GAS2: variants seen among roughly 807,000 people sequenced by gnomAD.
The protein encoded by GAS2 is growth arrest-specific protein 2.
In GAS2, 20 loss-of-function variants were observed where a neutral mutation model predicts 37.5. The ratio of observed to expected loss-of-function variants is 0.53; its 90% CI spans 0.37 to 0.77. GAS2 has a LOEUF of 0.77. GAS2 is among the 30% of genes least tolerant of loss of function. The pLI is 0.00. For missense variants in GAS2, 336 were observed against 373.4 expected, an observed-to-expected ratio of 0.90 and a Z score of 0.82; for synonymous variants, 144 against 132.2, an observed-to-expected ratio of 1.09 and a Z score of -0.61.
At chr11:22,713,518 T>C (rs1462311630) in intron 3 of GAS2, among the ~76,000 whole-genome samples, 2 of 152,260 alleles carry the variant, frequency 1.3e-5, no homozygotes, top group African/African-American at 4.8e-5. Flanking sequence ...CCTGGTAAAC[T>C]AATCACGAAC....
chr11:22,677,758 C>T (rs942958335), intron 2 of GAS2, among the ~76,000 whole-genome samples: 1 of 152,124 alleles, frequency 6.6e-6, no homozygotes, highest in Non-Finnish European at 1.5e-5. Flanking sequence ...GGCTCTGCTA[C>T]TTGGTAGGAA....
At chr11:22,633,181 AC>A (rs1287656820) in intron 1 of GAS2, among the ~76,000 whole-genome samples, 5 of 152,100 alleles carry the variant, frequency 3.3e-5, no homozygotes, top group African/African-American at 1.2e-4. Flanking sequence ...ATTTGGGTAG[AC>A]CATTTCTTCT....
At chr11:22,635,775 C>G (rs1278251337) in intron 1 of GAS2, among the ~76,000 whole-genome samples, 2 of 152,346 alleles carry the variant, frequency 1.3e-5, no homozygotes, top group Middle Eastern at 3.4e-3. Context: ...AATGGCTTTC[C>G]TCTGTCCCCG....
intron 4 of GAS2, among the ~76,000 whole-genome samples, chr11:22,728,679 A>G (rs1352489963): frequency 6.6e-6 from 1 of 151,726 alleles, no homozygotes; most frequent in Admixed American, 6.6e-5. Context: ...TAAATTTGCA[A>G]TTTCTCCTGC....
At chr11:22,677,395 G>T (rs1347028950) in intron 2 of GAS2, among the ~76,000 whole-genome samples, 1 of 152,026 alleles carries the variant, frequency 6.6e-6, no homozygotes, top group Admixed American at 6.6e-5. Flanking sequence ...GAGGAAGAGA[G>T]TTTCATGAGA....
intron 3 of GAS2, among the ~76,000 whole-genome samples, chr11:22,709,120 A>T (rs370290653): frequency 2.0e-4 from 30 of 152,164 alleles, no homozygotes; most frequent in African/African-American, 7.2e-4. Context: ...AAGATTTTTA[A>T]GCAGAGAAAA....
chr11:22,641,047 T>G (rs554791950), intron 1 of GAS2, among the ~76,000 whole-genome samples: 2 of 151,688 alleles, frequency 1.3e-5, no homozygotes, highest in South Asian at 4.2e-4. Flanking sequence ...TGAGCTTTAC[T>G]GACTGTTTGA....
upstream of GAS2, among the ~76,000 whole-genome samples, chr11:22,664,010 T>C (rs559329453): frequency 6.6e-6 from 1 of 152,274 alleles, no homozygotes; most frequent in South Asian, 2.1e-4. Flanking sequence ...TCTTCATGTA[T>C]TTTTTAATAC....
intron 1 of GAS2, among the ~76,000 whole-genome samples, chr11:22,630,825 G>T (rs984574207): frequency 1.3e-5 from 2 of 152,050 alleles, no homozygotes; most frequent in African/African-American, 4.8e-5. Flanking sequence ...GATTGCTTTG[G>T]CTGTTTTTTT....
intron 4 of GAS2, among the ~76,000 whole-genome samples, chr11:22,735,893 C>A (rs12808978): frequency 0.18 from 27,195 of 151,446 alleles, 2,621 homozygotes; most frequent in East Asian, 0.37. Flanking sequence ...CTTCACACAG[C>A]TTTTACTTAG....
intron 7 of GAS2, among the ~76,000 whole-genome samples, chr11:22,769,368 C>T (rs972093682): frequency 3.3e-5 from 5 of 152,198 alleles, no homozygotes; most frequent in Non-Finnish European, 7.3e-5. Context: ...TCCCCAACAT[C>T]TTGTAACAAA....
chr11:22,636,808 T>C (rs573409040), intron 1 of GAS2, among the ~76,000 whole-genome samples: 1 of 150,294 alleles, frequency 6.7e-6, no homozygotes, highest in Admixed American at 6.7e-5. Context: ...TCTCTTCCTC[T>C]TTATATAAAG....
At chr11:22,807,072 T>C (rs1025630291) in intron 7 of GAS2, among the ~76,000 whole-genome samples, 2 of 152,182 alleles carry the variant, frequency 1.3e-5, no homozygotes, top group African/African-American at 4.8e-5. Context: ...TATTTATGTA[T>C]GTTTTCATTT....
chr11:22,790,468 C>T (rs1856091448), intron 7 of GAS2, among the ~76,000 whole-genome samples: 1 of 152,046 alleles, frequency 6.6e-6, no homozygotes, highest in South Asian at 2.1e-4. Context: ...TATACTTTTT[C>T]ATCCAACAAT....
At chr11:22,690,425 A>G (rs1026587372) in intron 3 of GAS2, among the ~76,000 whole-genome samples, 1 of 152,114 alleles carries the variant, frequency 6.6e-6, no homozygotes, top group Non-Finnish European at 1.5e-5. Flanking sequence ...AGCTCTAAGT[A>G]GTTAACCTTA....
intron 3 of GAS2, among the ~76,000 whole-genome samples, chr11:22,713,559 C>G (rs1392400456): frequency 6.6e-6 from 1 of 152,014 alleles, no homozygotes; most frequent in Non-Finnish European, 1.5e-5. Flanking sequence ...ACATAGTCAT[C>G]AAGTTATCTA....
rs548407679 is a variant in GAS2 at position 22,640,251 on chromosome 11, A to C, written c.-21+14438A>C. On this transcript the variant is annotated intron_variant, in intron 1 of 5. Transcript: ENST00000528582. Reference sequence around the variant, plus strand: ...GGCTTTAAGTGGCCTTAAAGCCAGCAGCAGAAAGACCGTAACATGTAATAA... The same window carrying C: ...GGCTTTAAGTGGCCTTAAAGCCAGCCGCAGAAAGACCGTAACATGTAATAA... Among the ~76,000 whole-genome samples, 9 of 152,348 alleles carry C rather than the reference A, an allele frequency of 5.9e-5. No individual in the cohort carries two copies. In the East Asian group the frequency reaches 1.7e-3, roughly 29 times the overall value.
intron 1 of GAS2, among the ~76,000 whole-genome samples, chr11:22,647,191 C>T (rs1429360940): frequency 1.1e-4 from 16 of 149,648 alleles, no homozygotes; most frequent in Middle Eastern, 3.5e-3. Flanking sequence ...TTTGTTCTTG[C>T]GATAGTTTAC....
intron 7 of GAS2, among the ~76,000 whole-genome samples, chr11:22,774,656 A>G (rs371766383): frequency 6.6e-6 from 1 of 152,206 alleles, no homozygotes; most frequent in Non-Finnish European, 1.5e-5. Flanking sequence ...GTTTGAGGAG[A>G]TATCAACTTA....
Sources: allele counts gnomAD v4.1 joint callset (sites outside exome capture counted in the v4.1 genomes callset), GRCh38; gene constraint gnomAD v4.1.1; transcripts MANE v1.5; gene names NCBI Gene and HGNC (gene_info 2026-07-23, HGNC 2026-07-21).